Variants in GRID1 observed in about 807,000 individuals in gnomAD.
The protein encoded by GRID1 is glutamate ionotropic receptor delta type subunit 1.
In GRID1, 28 loss-of-function variants were observed where a neutral mutation model predicts 98.0. That is an observed-to-expected ratio of 0.29 (90% CI 0.21 to 0.39). The LOEUF is 0.39. Among genes scored for constraint, GRID1 ranks in the 10% least tolerant of loss-of-function variants. The pLI is 1.00. For missense variants in GRID1, 1,111 were observed against 1,340.5 expected (o/e 0.83, Z 2.67); for synonymous variants, 553 against 538.5 (o/e 1.03, Z -0.37).
chr10:86,273,685 G>A lies in GRID1; in HGVS notation c.236-67037C>T, dbSNP rs1847222155. Among the ~76,000 whole-genome samples, 3 of 152,206 alleles carry A rather than the reference G, an allele frequency of 2.0e-5. No homozygotes were observed. The South Asian group carries it at 6.2e-4, about 32-fold the overall frequency. On this transcript the variant is annotated intron_variant, in intron 2 of 15. Transcript: ENST00000327946. ...CCAGTGATGGTGAGCATTTTTTCAT[G>A]TGTTTTTTGGCTGCATAAATGTCTT...
chr10:86,138,420 C>T lies in GRID1; in HGVS notation c.726+399G>A, dbSNP rs78571868. Among the ~76,000 whole-genome samples, 858 of 152,220 alleles carry T rather than the reference C, an allele frequency of 5.6e-3. 16 individuals are homozygous for T. Among genetic ancestry groups the T allele is most frequent in the African/African-American group, 0.02 (820 of 41,520 alleles). The stretch of plus-strand genomic sequence containing the variant: ...ACCTCCTCCAGGTGCTAAGAAATCC[C>T]AAGGCAGACCTACCCACCTCTGCAG... On this transcript the variant is annotated intron_variant, in intron 4 of 15. Transcript: ENST00000327946.
intron 13 of GRID1, among the ~76,000 whole-genome samples, chr10:85,639,282 C>T (rs2132543929): frequency 6.6e-6 from 1 of 152,170 alleles, no homozygotes; most frequent in East Asian, 1.9e-4. Flanking sequence ...ATGAGTAAAT[C>T]TCATATACAT....
chr10:85,934,451 C>T (rs1204779235), intron 4 of GRID1, among the ~76,000 whole-genome samples: 2 of 139,652 alleles, frequency 1.4e-5, no homozygotes, highest in East Asian at 2.1e-4. Context: ...CACACACACA[C>T]ACACAGAGCA....
chr10:86,142,047 T>C (rs1258030592), intron 3 of GRID1, among the ~76,000 whole-genome samples: 1 of 152,216 alleles, frequency 6.6e-6, no homozygotes, highest in Non-Finnish European at 1.5e-5. Flanking sequence ...TGTTTGTGCA[T>C]TTCCATTTCC....
At chr10:85,673,381 T>G (rs1203217541) in intron 12 of GRID1, among the ~76,000 whole-genome samples, 1 of 152,234 alleles carries the variant, frequency 6.6e-6, no homozygotes, top group Admixed American at 6.5e-5. Flanking sequence ...GACTCCAACG[T>G]TCACAGAAGT....
intron 2 of GRID1, among the ~76,000 whole-genome samples, chr10:86,345,430 G>C (rs1177102446): frequency 6.6e-6 from 1 of 152,214 alleles, no homozygotes; most frequent in African/African-American, 2.4e-5. Context: ...AGCTAGCCTA[G>C]CAGCCTGGTC....
chr10:85,650,835 C>G (rs1843258771), intron 12 of GRID1, among the ~76,000 whole-genome samples: 1 of 152,144 alleles, frequency 6.6e-6, no homozygotes, highest in African/African-American at 2.4e-5. Context: ...TGGACACATA[C>G]CAGGGAGCAA....
chr10:85,886,740 CTCT>C (rs1185994136), intron 5 of GRID1, among the ~76,000 whole-genome samples: 1 of 152,154 alleles, frequency 6.6e-6, no homozygotes, highest in Non-Finnish European at 1.5e-5. Flanking sequence ...TAGTAAGGAT[CTCT>C]TTTTTTCAAA....
At chr10:86,326,482 A>G (rs1225298328) in intron 2 of GRID1, among the ~76,000 whole-genome samples, 1 of 152,268 alleles carries the variant, frequency 6.6e-6, no homozygotes. Flanking sequence ...GGTCTGAACC[A>G]CATGAACAAA....
chr10:85,892,614 T>C (rs1841219777), intron 5 of GRID1, among the ~76,000 whole-genome samples: 1 of 151,408 alleles, frequency 6.6e-6, no homozygotes, highest in African/African-American at 2.4e-5. Context: ...AAGACGTTTT[T>C]AGAAAAATAA....
Position 85,646,707 on chromosome 10 carries a change from C to T in GRID1, c.2193+495G>A, listed in dbSNP as rs1305993729. The T allele has an allele frequency of 1.8e-5, 3 of 169,306 alleles. No individual in the cohort carries two copies. In the East Asian group the frequency reaches 4.6e-4, roughly 26 times the overall value. 10.5% of individuals were successfully genotyped at this position (169,306 alleles called of 1,614,324 possible). On this transcript the variant is annotated intron_variant, in intron 13 of 15. Coordinates refer to ENST00000327946, the MANE Select transcript of GRID1 (RefSeq NM_017551.3). ...CCTTATCCCCATCTCTGAGGTACAACTCTTCTCACAGTACGGCCCCAGAGA... is the reference window on the plus strand; with the variant it reads ...CCTTATCCCCATCTCTGAGGTACAATTCTTCTCACAGTACGGCCCCAGAGA...
chr10:86,189,018 C>T (rs1016613420), intron 3 of GRID1, among the ~76,000 whole-genome samples: 1 of 152,160 alleles, frequency 6.6e-6, no homozygotes, highest in Non-Finnish European at 1.5e-5. Context: ...AAGAAGCAGG[C>T]AGATTTGTGA....
At chr10:86,074,221 T>C (rs369736714) in intron 4 of GRID1, among the ~76,000 whole-genome samples, 6 of 152,342 alleles carry the variant, frequency 3.9e-5, no homozygotes, top group African/African-American at 1.4e-4. Context: ...TTTTGTTAAG[T>C]ATAGTCACCC....
intron 2 of GRID1, among the ~76,000 whole-genome samples, chr10:86,290,907 C>A (rs1013784272): frequency 1.8e-4 from 28 of 152,126 alleles, no homozygotes; most frequent in African/African-American, 6.5e-4. Context: ...CCACAATGCA[C>A]CCCTGAAACC....
intron 4 of GRID1, among the ~76,000 whole-genome samples, chr10:86,052,881 T>C (rs954397347): frequency 2.6e-5 from 4 of 152,254 alleles, no homozygotes; most frequent in Non-Finnish European, 5.9e-5. Flanking sequence ...ATTCAAAACA[T>C]TTCAATAGGC....
At chr10:85,675,945 G>A (rs994546007) in intron 12 of GRID1, among the ~76,000 whole-genome samples, 1 of 152,162 alleles carries the variant, frequency 6.6e-6, no homozygotes, top group Non-Finnish European at 1.5e-5. Flanking sequence ...TGAAGATTCA[G>A]TCAGGCCCTG....
chr10:86,284,269 C>T (rs1847398165), intron 2 of GRID1, among the ~76,000 whole-genome samples: 1 of 152,096 alleles, frequency 6.6e-6, no homozygotes, highest in African/African-American at 2.4e-5. Flanking sequence ...AACACATCTG[C>T]CATCACACAC....
rs1262580625 is a variant in GRID1 at position 85,769,339 on chromosome 10, C to G, written c.1234-39725G>C. Among the ~76,000 whole-genome samples, 7 of 152,268 alleles carry G rather than the reference C, an allele frequency of 4.6e-5. No individual in the cohort carries two copies. In the East Asian group the frequency reaches 1.4e-3, roughly 30 times the overall value. On this transcript the variant is annotated intron_variant, in intron 8 of 15. Transcript: ENST00000327946. ...CACATGAATATAAAGATGGCAGGAGCTGGAGCCAAGATGGCTGAATAGGAA... is the reference window on the plus strand; with the variant it reads ...CACATGAATATAAAGATGGCAGGAGGTGGAGCCAAGATGGCTGAATAGGAA...
intron 2 of GRID1, among the ~76,000 whole-genome samples, chr10:86,220,309 G>A (rs1041647729): frequency 1.3e-5 from 2 of 152,162 alleles, no homozygotes; most frequent in Non-Finnish European, 2.9e-5. Context: ...TAAGAGGATA[G>A]GTTCTGGCAC....
Sources: gnomAD v4.1 joint callset for allele counts (sites outside exome capture counted in the v4.1 genomes callset) on GRCh38, gnomAD v4.1.1 for gene constraint, MANE v1.5 for transcripts, NCBI Gene and HGNC (gene_info 2026-07-23, HGNC 2026-07-21) for gene names.